ITGBL1: variants seen among roughly 807,000 people sequenced by gnomAD.
ITGBL1 encodes the protein integrin beta-like protein 1.
Under a neutral mutation model 68.5 loss-of-function variants are expected in ITGBL1, and 51 were observed. The ratio of observed to expected loss-of-function variants is 0.74; its 90% confidence interval spans 0.59 to 0.94. ITGBL1 has a LOEUF of 0.94. ITGBL1 is among the 40% of genes least tolerant of loss of function. The pLI, the probability that ITGBL1 is intolerant of heterozygous loss-of-function variation, is 0.00. For synonymous variants in ITGBL1, 209 were observed against 227.3 expected (o/e 0.92, Z 0.72); for missense variants, 649 against 647.4 (o/e 1.00, Z -0.03).
chr13:101,497,373 A>T (rs1381361419), intron 2 of ITGBL1, among the ~76,000 whole-genome samples: 2 of 152,138 alleles, frequency 1.3e-5, no homozygotes, highest in Non-Finnish European at 2.9e-5. Flanking sequence ...GATCCCAGTG[A>T]TATGAGTAGC....
chr13:101,513,721 A>G (rs1235950414), intron 2 of ITGBL1, among the ~76,000 whole-genome samples: 1 of 152,106 alleles, frequency 6.6e-6, no homozygotes, highest in Non-Finnish European at 1.5e-5. Flanking sequence ...ATTAATGAAG[A>G]ACCATTGACC....
rs151051347 is a variant in ITGBL1, at chr13:101,505,570, G to T, written c.316+51470G>T. Among the ~76,000 whole-genome samples, 298 of 152,230 alleles carry T rather than the reference G, an allele frequency of 2.0e-3. 1 individual carries two copies. The highest frequency in any genetic ancestry group is 6.9e-3 in the African/African-American group (285 of 41,532). Reference sequence around the variant, plus strand: ...TATTGAAATGGATAAAACATTTATTGTCTTATTCAATCTTTATTGATTGCT... The same window carrying T: ...TATTGAAATGGATAAAACATTTATTTTCTTATTCAATCTTTATTGATTGCT... On this transcript the variant is annotated intron_variant, in intron 2 of 10. Transcript: ENST00000376180.
At chr13:101,607,245 T>C (rs2030912859) in intron 7 of ITGBL1, among the ~76,000 whole-genome samples, 1 of 152,056 alleles carries the variant, frequency 6.6e-6, no homozygotes, top group African/African-American at 2.4e-5. Context: ...AAGAAGAAAT[T>C]AGATATCTGA....
intron 2 of ITGBL1, among the ~76,000 whole-genome samples, chr13:101,497,307 T>A (rs749447376): frequency 6.6e-5 from 10 of 152,226 alleles, no homozygotes; most frequent in Non-Finnish European, 1.3e-4. Flanking sequence ...AGTAAATCCT[T>A]TTGAATCCCT....
At chr13:101,668,833 A>G (rs1405823105) in intron 7 of ITGBL1, among the ~76,000 whole-genome samples, 1 of 152,172 alleles carries the variant, frequency 6.6e-6, no homozygotes, top group Non-Finnish European at 1.5e-5. Context: ...GTTCATGTTT[A>G]TTTAATTTTG....
intron 2 of ITGBL1, among the ~76,000 whole-genome samples, chr13:101,561,423 TCTTAGGGCACTTGTAAGTATCCATG>T (rs1161927385): frequency 6.6e-6 from 1 of 152,126 alleles, no homozygotes; most frequent in Non-Finnish European, 1.5e-5. Context: ...ATCTCCTTGC[TCTTAGGGCACTTGTAAGTATCCATG>T]GCAGCTATGG....
chr13:101,718,222 GTGTA>G (rs2034796941), downstream of ITGBL1: 1 of 152,090 alleles, frequency 6.6e-6, no homozygotes, highest in Non-Finnish European at 1.5e-5. Flanking sequence ...CTATGTTTGT[GTGTA>G]TGTGTGTGTT....
chr13:101,477,078 G>A (rs758745119), intron 2 of ITGBL1, among the ~76,000 whole-genome samples: 1 of 152,198 alleles, frequency 6.6e-6, no homozygotes, highest in Middle Eastern at 3.4e-3. Context: ...CTCAAGGGTA[G>A]ACTATATGTT....
At position 101,596,123 on chromosome 13, in the gene ITGBL1, C is replaced by T. The variant is rs375860497; in HGVS notation, c.869-2030C>T. ...GTATTCGTCCTTTAAGAAGGAAATCCTTTCATTTGCCACAACATGGATGAA... is the reference window on the plus strand; with the variant it reads ...GTATTCGTCCTTTAAGAAGGAAATCTTTTCATTTGCCACAACATGGATGAA... On this transcript the variant is annotated intron_variant, in intron 6 of 10. Coordinates refer to ENST00000376180, the MANE Select transcript of ITGBL1 (RefSeq NM_004791.3). Among the ~76,000 whole-genome samples, 6 of 152,036 alleles carry T rather than the reference C, an allele frequency of 3.9e-5. No homozygotes were observed. In the East Asian group the frequency reaches 5.8e-4, roughly 15 times the overall value.
intron 2 of ITGBL1, among the ~76,000 whole-genome samples, chr13:101,501,087 T>G (rs1330458493): frequency 6.6e-6 from 1 of 152,192 alleles, no homozygotes; most frequent in Admixed American, 6.5e-5. Context: ...TGCTTCACAA[T>G]GGGTAGAGTT....
At chr13:101,490,229 T>A (rs919311404) in intron 2 of ITGBL1, among the ~76,000 whole-genome samples, 1 of 152,136 alleles carries the variant, frequency 6.6e-6, no homozygotes, top group African/African-American at 2.4e-5. Context: ...TTCTCCACCA[T>A]GTGAGGGTAC....
intron 2 of ITGBL1, among the ~76,000 whole-genome samples, chr13:101,523,370 G>T (rs867381022): frequency 2.6e-5 from 4 of 152,122 alleles, no homozygotes; most frequent in Non-Finnish European, 2.9e-5. Flanking sequence ...CTCCAAGTTG[G>T]ATTAGAAGAT....
intron 2 of ITGBL1, among the ~76,000 whole-genome samples, chr13:101,537,417 C>G (rs2049598588): frequency 1.3e-5 from 2 of 151,914 alleles, no homozygotes; most frequent in South Asian, 4.1e-4. Flanking sequence ...AAAAATATAA[C>G]ATTTCAAAGG....
chr13:101,586,251 C>T (rs1163043241), intron 6 of ITGBL1, among the ~76,000 whole-genome samples: 1 of 152,162 alleles, frequency 6.6e-6, no homozygotes, highest in Admixed American at 6.5e-5. Context: ...TGAGATTCCA[C>T]ACAGTGGGTA....
chr13:101,509,478 C>G (rs929308609), intron 2 of ITGBL1, among the ~76,000 whole-genome samples: 4 of 152,090 alleles, frequency 2.6e-5, no homozygotes, highest in African/African-American at 9.7e-5. Context: ...ATTTTATTTA[C>G]AAACATAAAT....
chr13:101,711,945 G>A (rs1169904773), intron 9 of ITGBL1: 1 of 152,216 alleles, frequency 6.6e-6, no homozygotes, highest in Non-Finnish European at 1.5e-5. Flanking sequence ...AGTGGGTCTT[G>A]GCCAGCTGAG....
intron 2 of ITGBL1, among the ~76,000 whole-genome samples, chr13:101,564,737 T>C (rs535681585): frequency 6.6e-6 from 1 of 150,744 alleles, no homozygotes; most frequent in African/African-American, 2.4e-5. Flanking sequence ...CACAGGTATA[T>C]ATGTATGTGT....
chr13:101,470,937 C>A (rs2048448566), intron 2 of ITGBL1, among the ~76,000 whole-genome samples: 1 of 151,902 alleles, frequency 6.6e-6, no homozygotes, highest in Admixed American at 6.6e-5. Flanking sequence ...AAGATAAAAG[C>A]ATGAGCCTCA....
intron 6 of ITGBL1, among the ~76,000 whole-genome samples, chr13:101,597,919 T>G (rs1341527096): frequency 6.6e-6 from 1 of 152,066 alleles, no homozygotes; most frequent in Non-Finnish European, 1.5e-5. Flanking sequence ...CAGCTTGAAG[T>G]TTATAGCCTT....
Sources: gnomAD v4.1 joint callset for allele counts (sites outside exome capture counted in the v4.1 genomes callset) on GRCh38, gnomAD v4.1.1 for gene constraint, MANE v1.5 for transcripts, NCBI Gene and HGNC (gene_info 2026-07-23, HGNC 2026-07-21) for gene names.